XPNPEP1: variants seen among roughly 807,000 people sequenced by gnomAD.
XPNPEP1 encodes X-prolyl aminopeptidase 1.
A neutral mutation model predicts 92.4 loss-of-function variants in XPNPEP1; 39 were observed. The observed-to-expected ratio is 0.42, with a 90% CI of 0.33 to 0.55. XPNPEP1 has a LOEUF of 0.55. XPNPEP1 is among the 20% of genes least tolerant of loss of function. The probability of loss-of-function intolerance (pLI) is 0.08; values close to 1 mark genes in which losing one functional copy is unlikely to be tolerated. For missense variants in XPNPEP1, 654 were observed against 856.1 expected, an observed-to-expected ratio of 0.76 and a Z score of 2.95; for synonymous variants, 307 against 299.4, an observed-to-expected ratio of 1.03 and a Z score of -0.26.
intron 3 of XPNPEP1, among the ~76,000 whole-genome samples, chr10:109,894,552 T>TAA (rs5787825): frequency 1.4e-3 from 169 of 121,912 alleles, no homozygotes; most frequent in Middle Eastern, 8.6e-3. Context: ...AAACAAAAAT[T>TAA]AAAAAAAAAA....
chr10:109,899,986 C>T (rs1849195254), intron 3 of XPNPEP1, among the ~76,000 whole-genome samples: 1 of 152,180 alleles, frequency 6.6e-6, no homozygotes, highest in South Asian at 2.1e-4. Flanking sequence ...CGATTCCTTG[C>T]TATAAAAGTC....
At position 109,888,605 on chromosome 10, in the gene XPNPEP1, G is replaced by T. The variant is rs774061372; in HGVS notation, c.416-10C>A. 1.6e-5 allele frequency: 26 copies of T among 1,587,480 alleles called. No individual in the cohort carries two copies. Among genetic ancestry groups the T allele is most frequent in the East Asian group, 2.3e-5 (1 of 44,286 alleles). ...GGTGTGTCCTTCAGACCTACAGGGG[G>T]AAGAAATGATAAGAAACAATTCCCA... On this transcript the variant is annotated splice_polypyrimidine_tract_variant and intron_variant, in intron 5 of 20. Coordinates refer to ENST00000502935, the MANE Select transcript of XPNPEP1 (RefSeq NM_020383.4).
rs1182137247 is a variant in XPNPEP1 at position 109,923,460 on chromosome 10, T to A, written c.-27A>T. The A allele has an allele frequency of 4.2e-6, 6 of 1,414,082 alleles. No individual in the cohort carries two copies. In the Admixed American group the frequency reaches 1.3e-4, roughly 30 times the overall value. 87.6% of individuals were successfully genotyped at this position (1,414,082 alleles called of 1,614,324 possible). On this transcript the variant is annotated 5_prime_UTR_variant, in exon 1 of 21. Coordinates refer to ENST00000502935, the MANE Select transcript of XPNPEP1 (RefSeq NM_020383.4). ...CGGCGGTGACGTGCCCCAGCCCACGTCAGGGGAGCGCAGACCAGCTGATCA... is the reference window on the plus strand; with the variant it reads ...CGGCGGTGACGTGCCCCAGCCCACGACAGGGGAGCGCAGACCAGCTGATCA...
chr10:109,886,330 T>C lies in XPNPEP1; in HGVS notation c.664A>G (p.Lys222Glu). 6.2e-7 allele frequency: 1 copy of C among 1,614,128 alleles called. No homozygotes were observed. The highest frequency in any genetic ancestry group is 8.5e-7 in the Non-Finnish European group (1 of 1,180,000). The change falls in exon 8 of 21, where the codon AAG (lysine) becomes GAG (glutamate). Residue 222 changes from lysine (K) to glutamate (E), a missense_variant. Physicochemically the swap from Lys to Glu is moderately conservative, Grantham distance 56 (BLOSUM62 1). Coordinates refer to ENST00000502935, the MANE Select transcript of XPNPEP1 (RefSeq NM_020383.4). The stretch of plus-strand genomic sequence containing the variant: ...AACCGAAGGTCTGCAACCTTGTCCT[T>C]CCAGGAGATGCCTGCAAGAAACAAA... ...LGLDYTGISWKDKVADLRLKM... is the reference protein window; with the variant it reads ...LGLDYTGISWEDKVADLRLKM...
chr10:109,875,385 T>C (rs2133374291), intron 15 of XPNPEP1, 143 bp downstream of exon 15: 2 of 626,232 alleles, frequency 3.2e-6, no homozygotes, highest in Non-Finnish European at 5.5e-6. Context: ...GTGAAAAAAA[T>C]GACAAGACAC....
intron 12 of XPNPEP1, among the ~76,000 whole-genome samples, chr10:109,879,326 C>T (rs1564754742): frequency 6.6e-6 from 1 of 151,980 alleles, no homozygotes; most frequent in African/African-American, 2.4e-5. Context: ...AATCCCAGCA[C>T]TTTGGGAGGC....
chr10:109,898,501 T>C (rs1445092970), intron 3 of XPNPEP1, among the ~76,000 whole-genome samples: 1 of 152,176 alleles, frequency 6.6e-6, no homozygotes, highest in Non-Finnish European at 1.5e-5. Flanking sequence ...CTTAGATCCA[T>C]CAGACCAAGC....
intron 2 of XPNPEP1, 62 bp downstream of exon 2, chr10:109,914,949 T>G: frequency 2.8e-6 from 3 of 1,058,106 alleles, no homozygotes; most frequent in South Asian, 1.8e-5. Flanking sequence ...CAACCTGGGG[T>G]TGGGGTGGAG....
At chr10:109,918,490 G>A (rs967136591) in intron 1 of XPNPEP1, among the ~76,000 whole-genome samples, 5 of 150,940 alleles carry the variant, frequency 3.3e-5, no homozygotes, top group South Asian at 2.1e-4. Flanking sequence ...GGCCGGGCAC[G>A]GTGGCTCACG....
chr10:109,902,564 A>C (rs7922330), intron 3 of XPNPEP1, among the ~76,000 whole-genome samples: 44,192 of 152,190 alleles, frequency 0.29, 6,773 homozygotes, highest in Admixed American at 0.45. Context: ...GCAAACAAAC[A>C]AAACACAATT....
At chr10:109,880,618 T>G (rs1033804236) in intron 11 of XPNPEP1, among the ~76,000 whole-genome samples, 1 of 152,230 alleles carries the variant, frequency 6.6e-6, no homozygotes, top group Non-Finnish European at 1.5e-5. Flanking sequence ...TCATCTACAC[T>G]GTGAACATCA....
chr10:109,884,019 C>A, intron 9 of XPNPEP1, 48 bp downstream of exon 9: 2 of 1,581,590 alleles, frequency 1.3e-6, no homozygotes, highest in Admixed American at 1.7e-5. Flanking sequence ...CACACTAGGG[C>A]TCTGAGGAGC....
chr10:109,915,423 TTTCTTTATGGTGTCCTA>T (rs1429220126), intron 1 of XPNPEP1, among the ~76,000 whole-genome samples: 1 of 152,204 alleles, frequency 6.6e-6, no homozygotes, highest in Non-Finnish European at 1.5e-5. Context: ...CTGCCCGTTC[TTTCTTTATGGTGTCCTA>T]TTCTTGCACT....
chr10:109,896,976 T>C (rs1378539671), intron 3 of XPNPEP1, among the ~76,000 whole-genome samples: 1 of 152,212 alleles, frequency 6.6e-6, no homozygotes, highest in Non-Finnish European at 1.5e-5. Flanking sequence ...TAATTTGTTA[T>C]AGCAGTGATA....
intron 1 of XPNPEP1, 190 bp downstream of exon 1, chr10:109,923,212 A>T: frequency 1.0e-6 from 1 of 985,222 alleles, no homozygotes; most frequent in Non-Finnish European, 1.2e-6. Context: ...AACGAACCGG[A>T]TCTCGCCCGG....
intron 1 of XPNPEP1, 171 bp downstream of exon 1, chr10:109,923,231 A>T (rs1246659797): frequency 1.4e-5 from 14 of 984,508 alleles, no homozygotes; most frequent in Middle Eastern, 1.0e-3. Context: ...GGCCTCATGG[A>T]CCCCTTCCCC....
chr10:109,882,057 C>T (rs1288925566), intron 10 of XPNPEP1, among the ~76,000 whole-genome samples: 3 of 152,174 alleles, frequency 2.0e-5, no homozygotes, highest in Admixed American at 1.3e-4. Context: ...TCACTTAGTA[C>T]TTTACTTTAG....
At chr10:109,909,369 C>T (rs1414735921) in intron 2 of XPNPEP1, among the ~76,000 whole-genome samples, 1 of 152,100 alleles carries the variant, frequency 6.6e-6, no homozygotes, top group East Asian at 1.9e-4. Flanking sequence ...CAAATAAAAC[C>T]AGAGTTGGAA....
At chr10:109,912,388 G>A (rs1206639885) in intron 2 of XPNPEP1, among the ~76,000 whole-genome samples, 1 of 152,234 alleles carries the variant, frequency 6.6e-6, no homozygotes, top group African/African-American at 2.4e-5. Context: ...GAAGAAGATA[G>A]CAACAGGCAA....
Sources: gnomAD v4.1 joint callset for allele counts (sites outside exome capture counted in the v4.1 genomes callset) on GRCh38, gnomAD v4.1.1 for gene constraint, MANE v1.5 for transcripts, NCBI Gene and HGNC (gene_info 2026-07-23, HGNC 2026-07-21) for gene names.